WEE1: variants seen among roughly 807,000 people sequenced by gnomAD.
WEE1 encodes the protein wee1-like protein kinase.
In WEE1, 16 loss-of-function variants were observed where a neutral mutation model predicts 68.8. The ratio of observed to expected loss-of-function variants is 0.23; its 90% CI spans 0.16 to 0.35. The LOEUF (loss-of-function observed/expected upper bound fraction) is 0.35, where lower values mean the gene tolerates loss of function less well. Among genes scored for constraint, WEE1 ranks in the 10% least tolerant of loss-of-function variants. The probability of loss-of-function intolerance (pLI) is 1.00; values close to 1 mark genes in which losing one functional copy is unlikely to be tolerated. For missense variants in WEE1, 651 were observed against 824.1 expected, an observed-to-expected ratio of 0.79 and a Z score of 2.57; for synonymous variants, 349 against 318.7, an observed-to-expected ratio of 1.09 and a Z score of -1.01.
chr11:9,578,376 T>G (rs1849586109), intron 5 of WEE1: 1 of 155,324 alleles, frequency 6.4e-6, no homozygotes, highest in African/African-American at 2.4e-5. Context: ...TTTTCAAACC[T>G]GATTCCTCAT....
At chr11:9,575,657 G>A (rs1047562634) in intron 1 of WEE1, 8 of 538,706 alleles carry the variant, frequency 1.5e-5, no homozygotes, top group Non-Finnish European at 2.6e-5. Flanking sequence ...ATTCTTTTTA[G>A]GGTTAGAGGC....
chr11:9,575,674 T>C (rs2134339709), intron 1 of WEE1: 1 of 574,396 alleles, frequency 1.7e-6, no homozygotes, highest in South Asian at 2.2e-5. Context: ...AGGCAGATTT[T>C]ACTTGGCTAT....
intron 6 of WEE1, among the ~76,000 whole-genome samples, chr11:9,583,726 T>G (rs1037896253): frequency 7.0e-6 from 1 of 141,940 alleles, no homozygotes; most frequent in Non-Finnish European, 1.5e-5. Flanking sequence ...AATTTAATAC[T>G]AAATATTTGT....
chr11:9,578,636 C>T (rs1849589270), intron 5 of WEE1: 1 of 152,090 alleles, frequency 6.6e-6, no homozygotes, highest in Admixed American at 6.5e-5. Flanking sequence ...TTTCAGTTTC[C>T]TTCTTTCTCT....
intron 10 of WEE1, 34 bp downstream of exon 10, chr11:9,586,890 T>TTCATTCACTTTAATTC: frequency 6.4e-7 from 1 of 1,570,386 alleles, no homozygotes; most frequent in Non-Finnish European, 8.6e-7. Flanking sequence ...TTTTTGCTTT[T>TTCATTCACTTTAATTC]TCATTCACTT....
chr11:9,580,990 C>T (rs1849621129), intron 5 of WEE1: 1 of 152,266 alleles, frequency 6.6e-6, no homozygotes, highest in Admixed American at 6.5e-5. Context: ...GAATTCTAGG[C>T]TGTAGTGCCG....
At position 9,574,448 on chromosome 11, in the gene WEE1, G is replaced by A. The variant is rs1464503540; in HGVS notation, c.515G>A (p.Gly172Asp). 8.1e-7 allele frequency: 1 copy of A among 1,235,822 alleles called. No individual in the cohort carries two copies. The highest frequency in any genetic ancestry group is 1.6e-5 in the African/African-American group (1 of 63,176). The allele number at this position is 1,235,822 out of a possible 1,614,324, so 76.6% of individuals were successfully genotyped here. The change falls in exon 1 of 11, where the codon GGC (glycine) becomes GAC (aspartate). Residue 172 changes from glycine to aspartate, a missense_variant. Physicochemically the swap from Gly to Asp is moderately conservative, Grantham distance 94. Transcript: ENST00000450114. The surrounding 1 kb of genome is among the most constrained non-coding windows in gnomAD (Gnocchi z 4.9). ...CGCTCGCCGCGGCCGGACCACCCGG[G>A]CACCCCGCCACACAAGACCTTCCGC... Reference protein sequence around the residue: ...GRRSPRPDHPGTPPHKTFRKL... With the variant: ...GRRSPRPDHPDTPPHKTFRKL...
Position 9,575,040 on chromosome 11 carries a change from G to A in WEE1, c.576+531G>A, listed in dbSNP as rs1323596503. ...GCAGGGAGACTACGCTTGGACTTGG[G>A]AGTAAAGGCTGGCCTTCCAAGCATT... On this transcript the variant is annotated intron_variant, in intron 1 of 10. Transcript: ENST00000450114. The A allele has an allele frequency of 1.9e-5, 19 of 985,736 alleles. No homozygotes were observed. The Admixed American group carries it at 1.2e-3, about 61-fold the overall frequency. The allele number at this position is 985,736 out of a possible 1,614,324, so 61.1% of individuals were successfully genotyped here.
rs1849731723 is a variant in WEE1 at position 9,588,932 on chromosome 11, G to T, written c.*330G>T. On this transcript the variant is annotated 3_prime_UTR_variant, in exon 11 of 11. Transcript: ENST00000450114. ...CTTTCCCTGTAGTGACCTGTAAAAA[G>T]TACTCAAGGGCTTTATTACAGACAT... 2.0e-6 allele frequency: 2 copies of T among 993,176 alleles called. No individual in the cohort carries two copies. Among genetic ancestry groups the T allele is most frequent in the African/African-American group, 3.5e-5 (2 of 57,446 alleles). The allele number at this position is 993,176 out of a possible 1,614,324, so 61.5% of individuals were successfully genotyped here.
intron 6 of WEE1, among the ~76,000 whole-genome samples, chr11:9,583,802 CATATATATATATATATATATATAT>C (rs371859938): frequency 5.0e-4 from 9 of 17,862 alleles, no homozygotes; most frequent in East Asian, 1.9e-3. Context: ...CACACACACA[CATATATATATATATATATATATAT>C]ATATATATAT....
rs1849538717 is a variant in WEE1, at chr11:9,574,259, C to CGGAGGGCGACTCGTGGGA, written c.332_349dup (p.Gly111_Glu116dup). ...GGCGCGGACGAGGCGGGCGGTGGGG[C>CGGAGGGCGACTCGTGGGA]GGAGGGCGACTCGTGGGAGGAGGAG... On this transcript the variant is annotated inframe_insertion, in exon 1 of 11. Coordinates refer to ENST00000450114, the MANE Select transcript of WEE1 (RefSeq NM_003390.4). The surrounding 1 kb of genome is among the most constrained non-coding windows in gnomAD (Gnocchi z 4.9). 4.1e-6 allele frequency: 5 copies of CGGAGGGCGACTCGTGGGA among 1,214,498 alleles called. No individual in the cohort carries two copies. Among genetic ancestry groups the CGGAGGGCGACTCGTGGGA allele is most frequent in the Admixed American group, 8.8e-5 (2 of 22,788 alleles). The allele number at this position is 1,214,498 out of a possible 1,614,324, so 75.2% of individuals were successfully genotyped here.
At chr11:9,581,934 G>A (rs767555692) in intron 6 of WEE1, among the ~76,000 whole-genome samples, 3 of 152,188 alleles carry the variant, frequency 2.0e-5, no homozygotes, top group Admixed American at 6.5e-5. Context: ...CACCATCTCC[G>A]CTCACTGCAA....
Position 9,588,707 on chromosome 11 carries a change from G to A in WEE1, c.*105G>A, listed in dbSNP as rs1849729964. On this transcript the variant is annotated 3_prime_UTR_variant, in exon 11 of 11. Coordinates refer to ENST00000450114, the MANE Select transcript of WEE1 (RefSeq NM_003390.4). ...ATTACTTTCTCGATTGGTGTCAGTA[G>A]TTTTACTGATTAGGACTTTTATTGT... 7.2e-7 allele frequency: 1 copy of A among 1,394,364 alleles called. No individual in the cohort carries two copies. Among genetic ancestry groups the A allele is most frequent in the Non-Finnish European group, 9.3e-7 (1 of 1,074,550 alleles). 86.4% of individuals were successfully genotyped at this position (1,394,364 alleles called of 1,614,324 possible). A position where few individuals can be genotyped will look rare whatever the true frequency, so the allele number is the denominator to read the frequency against.
chr11:9,574,204 G>A lies in WEE1; in HGVS notation c.271G>A (p.Glu91Lys), dbSNP rs1359053286. ...CCCCGGCAGCCCCGGCGAGCTGGAGGAGGACCTGTTGCTGCCCGGCGCCTG... is the reference window on the plus strand; with the variant it reads ...CCCCGGCAGCCCCGGCGAGCTGGAGAAGGACCTGTTGCTGCCCGGCGCCTG... ...PAPGSPGELEEDLLLPGACPG... is the reference protein window; with the variant it reads ...PAPGSPGELEKDLLLPGACPG... Residue 91 changes from glutamate (E) to lysine (K), a missense_variant, in exon 1 of 11, where the codon GAG becomes AAG. By Grantham distance (56) the Glu-to-Lys change is moderately conservative. Around this residue, in one of 5 missense-constraint regions of WEE1, gnomAD observed 395 missense variants for 378.4 expected, o/e 1.04. Transcript: ENST00000450114. The surrounding 1 kb of genome is among the most constrained non-coding windows in gnomAD (Gnocchi z 4.9). 12 of 1,179,500 alleles carry A rather than the reference G, an allele frequency of 1.0e-5. No homozygotes were observed. In the East Asian group the frequency reaches 3.1e-4, roughly 30 times the overall value. The allele number at this position is 1,179,500 out of a possible 1,614,324, so 73.1% of individuals were successfully genotyped here. A position where few individuals can be genotyped will look rare whatever the true frequency, so the allele number is the denominator to read the frequency against.
At position 9,576,232 on chromosome 11, in the gene WEE1, C is replaced by T; in HGVS notation, c.785C>T (p.Ser262Phe). ...TAGAAAAATAACATTTTTTTTAGTT[C>T]CTGTGGTGAAGACATGGAAGCCAGT... is the stretch of plus-strand genomic sequence containing the variant. ...RRRKRTYWNDSCGEDMEASDY... is the reference protein window; with the variant it reads ...RRRKRTYWNDFCGEDMEASDY... The change falls in exon 3 of 11, where the codon TCC becomes TTC. Residue 262 changes from serine to phenylalanine, a missense_variant and splice_region_variant. This residue lies in a region of WEE1 where 395 missense variants were observed against 378.4 expected (regional missense o/e 1.04). Transcript: ENST00000450114. This position sits in a 1 kb window ranked among gnomAD's most constrained non-coding sequence, Gnocchi z 4.3. The T allele has an allele frequency of 6.5e-7, 1 of 1,530,096 alleles. No homozygotes were observed. 94.8% of individuals were successfully genotyped at this position (1,530,096 alleles called of 1,614,324 possible). A position where few individuals can be genotyped will look rare whatever the true frequency, so the allele number is the denominator to read the frequency against.
Position 9,574,220 on chromosome 11 carries a change from C to T in WEE1, c.287C>T (p.Pro96Leu). 1.7e-6 allele frequency: 2 copies of T among 1,184,752 alleles called. No individual in the cohort carries two copies. The highest frequency in any genetic ancestry group is 2.1e-6 in the Non-Finnish European group (2 of 957,228). The allele number at this position is 1,184,752 out of a possible 1,614,324, so 73.4% of individuals were successfully genotyped here. A position where few individuals can be genotyped will look rare whatever the true frequency, so the allele number is the denominator to read the frequency against. The change falls in exon 1 of 11, where the codon CCC (proline) becomes CTC (leucine). Residue 96 changes from proline (P) to leucine (L), a missense_variant. Pro to Leu is a moderately conservative substitution (Grantham distance 98). Around this residue, in one of 5 missense-constraint regions of WEE1, gnomAD observed 395 missense variants for 378.4 expected, o/e 1.04. Coordinates refer to ENST00000450114, the MANE Select transcript of WEE1 (RefSeq NM_003390.4). This position sits in a 1 kb window ranked among gnomAD's most constrained non-coding sequence, Gnocchi z 4.9. ...PGELEEDLLL[P>L]GACPGADEAG... Reference sequence around the variant, plus strand: ...GAGCTGGAGGAGGACCTGTTGCTGCCCGGCGCCTGCCCGGGCGCGGACGAG... The same window carrying T: ...GAGCTGGAGGAGGACCTGTTGCTGCTCGGCGCCTGCCCGGGCGCGGACGAG...
At chr11:9,583,818 T>C (rs1228955210) in intron 6 of WEE1, among the ~76,000 whole-genome samples, 104 of 25,698 alleles carry the variant, frequency 4.0e-3, no homozygotes, top group Non-Finnish European at 8.6e-3. Context: ...TATATATATA[T>C]ATATATATAT....
rs1471820257 is a variant in WEE1, at chr11:9,573,780, G to T, written c.-154G>T. ...GCTGCCGCCACCGTCCGCAGCCCGA[G>T]CGCCCCGGAGCCGCAGGCCGCCGCC... On this transcript the variant is annotated 5_prime_UTR_variant, in exon 1 of 11. Transcript: ENST00000450114. 4 of 489,602 alleles carry T rather than the reference G, an allele frequency of 8.2e-6. No individual in the cohort carries two copies. In the Admixed American group the frequency reaches 1.6e-4, roughly 20 times the overall value. The allele number at this position is 489,602 out of a possible 1,614,324, so 30.3% of individuals were successfully genotyped here.
chr11:9,583,570 G>T (rs182037979), intron 6 of WEE1, among the ~76,000 whole-genome samples: 58 of 138,714 alleles, frequency 4.2e-4, no homozygotes, highest in African/African-American at 1.5e-3. Flanking sequence ...AGCTGAGATC[G>T]CACCACTGCA....
Sources: allele counts gnomAD v4.1 joint callset (sites outside exome capture counted in the v4.1 genomes callset), GRCh38; gene constraint gnomAD v4.1.1; regional missense constraint gnomAD v4.1.1; non-coding constraint Gnocchi (gnomAD v3.1); transcripts MANE v1.5; gene names NCBI Gene and HGNC (gene_info 2026-07-23, HGNC 2026-07-21).